The following SPOCK1 variants were observed in gnomAD, a reference collection of about 807,000 sequenced individuals.
SPOCK1 encodes testican-1.
SPOCK1 carries 23 observed loss-of-function variants against 55.3 expected under a neutral mutation model. That is an observed-to-expected ratio of 0.42 (90% CI 0.30 to 0.59). The LOEUF (loss-of-function observed/expected upper bound fraction) is 0.59. Among genes scored for constraint, SPOCK1 ranks in the 20% least tolerant of loss-of-function variants. The pLI is 0.22. For synonymous variants in SPOCK1, 226 were observed against 221.0 expected (o/e 1.02, Z -0.20); for missense variants, 499 against 552.5 (o/e 0.90, Z 0.97).
intron 2 of SPOCK1, among the ~76,000 whole-genome samples, chr5:137,415,006 T>C (rs6596375): frequency 1 from 152,105 of 152,270 alleles, 75,970 homozygotes; most frequent in Middle Eastern, 1. Context: ...CAATTAGGAC[T>C]AGGGAAGCAT....
chr5:137,381,979 T>A (rs537416177), intron 2 of SPOCK1, among the ~76,000 whole-genome samples: 3 of 152,358 alleles, frequency 2.0e-5, no homozygotes, highest in African/African-American at 7.2e-5. Flanking sequence ...TAAATATTAG[T>A]TCCAGTTTCA....
intron 3 of SPOCK1, among the ~76,000 whole-genome samples, chr5:137,220,236 C>T (rs981027018): frequency 1.3e-5 from 2 of 152,202 alleles, no homozygotes; most frequent in Non-Finnish European, 2.9e-5. Context: ...GACAACTCCT[C>T]ATTTCCAAAA....
At position 136,991,879 on chromosome 5, in the gene SPOCK1, G is replaced by A. The variant is rs537917223; in HGVS notation, c.706+605C>T. ...AACTCAGCACCTGATGCTGGCGGGAGGCTCCTTGAGCAATCTGCATGTTAT... is the reference window on the plus strand; with the variant it reads ...AACTCAGCACCTGATGCTGGCGGGAAGCTCCTTGAGCAATCTGCATGTTAT... On this transcript the variant is annotated intron_variant, in intron 7 of 10. Coordinates refer to ENST00000394945, the MANE Select transcript of SPOCK1 (RefSeq NM_004598.4). Among the ~76,000 whole-genome samples the A allele has an allele frequency of 2.6e-5, 4 of 152,284 alleles. No individual in the cohort carries two copies. In the South Asian group the frequency reaches 8.3e-4, roughly 32 times the overall value.
intron 2 of SPOCK1, among the ~76,000 whole-genome samples, chr5:137,468,970 T>G (rs915664475): frequency 1.3e-5 from 2 of 152,168 alleles, no homozygotes; most frequent in Non-Finnish European, 1.5e-5. Flanking sequence ...ATGATGGGCC[T>G]ACGGAAAACT....
intron 2 of SPOCK1, among the ~76,000 whole-genome samples, chr5:137,330,174 C>T (rs1000503590): frequency 2.0e-5 from 3 of 152,158 alleles, no homozygotes; most frequent in Non-Finnish European, 4.4e-5. Context: ...GTTCCTGCCA[C>T]TTTGCTGCCC....
At chr5:137,138,035 G>C (rs1358546535) in intron 4 of SPOCK1, among the ~76,000 whole-genome samples, 1 of 151,986 alleles carries the variant, frequency 6.6e-6, no homozygotes, top group East Asian at 1.9e-4. Context: ...CTCCCTGTAA[G>C]AATTACTAGA....
In SPOCK1 at chr5:137,287,914, C is replaced by A. The variant is rs1580848255; in HGVS notation, c.187-20859G>T. Among the ~76,000 whole-genome samples, 6 of 152,212 alleles carry A rather than the reference C, an allele frequency of 3.9e-5. No homozygotes were observed. The South Asian group carries it at 1.2e-3, about 32-fold the overall frequency. ...CACAAGCCATAAAATTGAGAAAATA[C>A]TATTTTCAAGTTAAATGCAAAGGGA... On this transcript the variant is annotated intron_variant, in intron 2 of 10. Coordinates refer to ENST00000394945, the MANE Select transcript of SPOCK1 (RefSeq NM_004598.4).
intron 2 of SPOCK1, among the ~76,000 whole-genome samples, chr5:137,268,620 G>A (rs148858681): frequency 3.3e-4 from 50 of 152,296 alleles, no homozygotes; most frequent in African/African-American, 1.2e-3. Flanking sequence ...TAGGTTTGAT[G>A]ACCAAAGTGT....
At chr5:137,026,350 A>C (rs1751674025) in intron 6 of SPOCK1, among the ~76,000 whole-genome samples, 1 of 152,122 alleles carries the variant, frequency 6.6e-6, no homozygotes, top group Non-Finnish European at 1.5e-5. Context: ...TTAACATTTA[A>C]GTCAGTAGAC....
At chr5:137,490,233 C>T (rs1432838509) in intron 2 of SPOCK1, among the ~76,000 whole-genome samples, 7 of 152,130 alleles carry the variant, frequency 4.6e-5, no homozygotes, top group Non-Finnish European at 7.3e-5. Flanking sequence ...GGCCCTCTGA[C>T]GACCCATAAT....
intron 2 of SPOCK1, among the ~76,000 whole-genome samples, chr5:137,364,391 G>A (rs1164369989): frequency 6.6e-6 from 1 of 152,176 alleles, no homozygotes; most frequent in Non-Finnish European, 1.5e-5. Flanking sequence ...TCTGCCAGTG[G>A]AAAGCTAAGT....
chr5:137,446,373 G>T (rs1165193019), intron 2 of SPOCK1, among the ~76,000 whole-genome samples: 1 of 152,086 alleles, frequency 6.6e-6, no homozygotes, highest in Non-Finnish European at 1.5e-5. Flanking sequence ...GAGCTGTTGG[G>T]CCAGGAAGAA....
chr5:137,390,735 T>C (rs945838945), intron 2 of SPOCK1, among the ~76,000 whole-genome samples: 1 of 152,198 alleles, frequency 6.6e-6, no homozygotes, highest in African/African-American at 2.4e-5. Context: ...GAGCCCCTAC[T>C]GCCAGCAAGG....
At chr5:137,328,235 G>A (rs1252289252) in intron 2 of SPOCK1, among the ~76,000 whole-genome samples, 4 of 152,186 alleles carry the variant, frequency 2.6e-5, no homozygotes, top group Non-Finnish European at 4.4e-5. Context: ...GAAGTCCCTG[G>A]GTCAGGGGCC....
chr5:137,405,685 G>A (rs542632764), intron 2 of SPOCK1, among the ~76,000 whole-genome samples: 8 of 152,264 alleles, frequency 5.3e-5, no homozygotes, highest in South Asian at 4.2e-4. Flanking sequence ...CGACAACATC[G>A]AAATTGCAGA....
intron 2 of SPOCK1, among the ~76,000 whole-genome samples, chr5:137,275,224 T>C (rs972643637): frequency 1.3e-5 from 2 of 152,240 alleles, no homozygotes; most frequent in African/African-American, 4.8e-5. Flanking sequence ...AGGCCCAGCC[T>C]TGTCCGAGTA....
chr5:137,453,126 T>C (rs1166196905), intron 2 of SPOCK1, among the ~76,000 whole-genome samples: 1 of 152,168 alleles, frequency 6.6e-6, no homozygotes, highest in Non-Finnish European at 1.5e-5. Flanking sequence ...ATGTCACAAC[T>C]AGTAGGTTTG....
In SPOCK1 at chr5:136,979,447, A is replaced by G. The variant is rs771232497; in HGVS notation, c.1014T>C (p.Asn338=). 8 of 1,613,856 alleles carry G rather than the reference A, an allele frequency of 5.0e-6. No individual in the cohort carries two copies. Among genetic ancestry groups the G allele is most frequent in the Middle Eastern group, 1.6e-4 (1 of 6,082 alleles). The change falls in exon 10 of 11, where the codon AAT becomes AAC. Residue 338 remains asparagine (N), a synonymous_variant. Coordinates refer to ENST00000394945, the MANE Select transcript of SPOCK1 (RefSeq NM_004598.4). The part of the protein sequence containing the change: ...SLLGAFIPRC[N]EEGYYKATQC... ...GTGTGGCTTTGTAATAGCCCTCCTCATTACACCGAGGTATGAAGGCCCCTG... is the reference window on the plus strand; with the variant it reads ...GTGTGGCTTTGTAATAGCCCTCCTCGTTACACCGAGGTATGAAGGCCCCTG...
intron 2 of SPOCK1, among the ~76,000 whole-genome samples, chr5:137,461,417 C>A (rs2149837476): frequency 6.6e-6 from 1 of 152,332 alleles, no homozygotes; most frequent in East Asian, 1.9e-4. Flanking sequence ...ACCAGCTGAA[C>A]ACACAGTCAG....
Sources: allele counts gnomAD v4.1 joint callset (sites outside exome capture counted in the v4.1 genomes callset), GRCh38; gene constraint gnomAD v4.1.1; transcripts MANE v1.5; gene names NCBI Gene and HGNC (gene_info 2026-07-23, HGNC 2026-07-21).